Variants in PSMD6 observed in about 807,000 individuals in gnomAD.
PSMD6 encodes 26S proteasome non-ATPase regulatory subunit 6.
PSMD6 carries 7 observed loss-of-function variants against 44.9 expected under a neutral mutation model. The observed-to-expected ratio is 0.16, with a 90% CI of 0.09 to 0.29. PSMD6 has a LOEUF of 0.29. Among genes scored for constraint, PSMD6 ranks in the 10% least tolerant of loss-of-function variants. The probability of loss-of-function intolerance (pLI) is 1.00; values close to 1 mark genes in which losing one functional copy is unlikely to be tolerated. For synonymous variants in PSMD6, 184 were observed against 172.7 expected, an observed-to-expected ratio of 1.07 and a Z score of -0.51; for missense variants, 420 against 482.6, an observed-to-expected ratio of 0.87 and a Z score of 1.21.
chr3:64,011,392 C>CTAACA (rs1553698337), intron 6 of PSMD6: 1 of 152,664 alleles, frequency 6.6e-6, no homozygotes, highest in African/African-American at 2.4e-5. Context: ...CTTTCCCTCT[C>CTAACA]TAACATATCT....
intron 1 of PSMD6, 77 bp from the exon 2 acceptor site, chr3:64,022,600 C>T (rs1442600781): frequency 6.5e-7 from 1 of 1,543,468 alleles, no homozygotes; most frequent in East Asian, 2.4e-5. Context: ...TATTTCACCC[C>T]CCGCCCCGCC....
At position 64,010,652 on chromosome 3, in the gene PSMD6, TGTTA is replaced by T. The variant is rs750691116; in HGVS notation, c.*12_*15del. On this transcript the variant is annotated 3_prime_UTR_variant, in exon 8 of 8. Transcript: ENST00000295901. The stretch of plus-strand genomic sequence containing the variant: ...ATAATTATCTCTAAAGCAAATCCTT[TGTTA>T]GTTACATGGCTTTACATATTAATTA... 15 of 1,532,368 alleles carry T rather than the reference TGTTA, an allele frequency of 9.8e-6. No homozygotes were observed. The highest frequency in any genetic ancestry group is 8.3e-5 in the African/African-American group (6 of 72,440). 94.9% of individuals were successfully genotyped at this position (1,532,368 alleles called of 1,614,324 possible).
chr3:64,019,565 C>T, intron 2 of PSMD6, 124 bp from the exon 3 acceptor site: 1 of 964,462 alleles, frequency 1.0e-6, no homozygotes, highest in Non-Finnish European at 1.5e-6. Flanking sequence ...AACAAGATGG[C>T]CATTAACTGT....
chr3:64,018,679 A>G lies in PSMD6; in HGVS notation c.746T>C (p.Val249Ala), dbSNP rs757943769. The change falls in exon 5 of 8, where the codon GTG (valine) becomes GCG (alanine). Residue 249 changes from valine (V) to alanine (A), a missense_variant. Physicochemically the swap from Val to Ala is moderately conservative, Grantham distance 64 (BLOSUM62 0). This residue lies in a region of PSMD6 where 216 missense variants were observed against 227.0 expected (regional missense o/e 0.95). Coordinates refer to ENST00000295901, the MANE Select transcript of PSMD6 (RefSeq NM_014814.3). ...CCGAACTGCTGGAAGACTGTGCAAC[A>G]CTTCAAGAATCTCTGCTCCTTTAAT... ...KVIKGAEILE[V>A]LHSLPAVRQY... The G allele has an allele frequency of 7.5e-6, 12 of 1,604,610 alleles. No homozygotes were observed. The highest frequency in any genetic ancestry group is 1.7e-5 in the Admixed American group (1 of 59,934).
rs2076098375 is a variant in PSMD6, at chr3:64,019,575, T to G, written c.352-134A>C. 5 of 874,760 alleles carry G rather than the reference T, an allele frequency of 5.7e-6. 1 individual carries two copies. In the South Asian group the frequency reaches 9.7e-5, roughly 17 times the overall value. The allele number at this position is 874,760 out of a possible 1,614,324, so 54.2% of individuals were successfully genotyped here. ...AGTACAACAAGATGGCCATTAACTG[T>G]TAATTGTTGAAGCTGGGTGATAAGT... On this transcript the variant is annotated intron_variant, in intron 2 of 7. Transcript: ENST00000295901.
chr3:64,016,472 A>ATAAG (rs939242115), intron 5 of PSMD6: 1 of 152,050 alleles, frequency 6.6e-6, no homozygotes, highest in Non-Finnish European at 1.5e-5. Flanking sequence ...AAAAAAAAGC[A>ATAAG]TAAGTTCTGC....
At chr3:64,023,223 G>C (rs1408641692) in intron 1 of PSMD6, 52 bp downstream of exon 1, 5 of 1,495,134 alleles carry the variant, frequency 3.3e-6, no homozygotes, top group Non-Finnish European at 4.5e-6. Context: ...GCTCCGGAAC[G>C]CGGGGACGGC....
chr3:64,021,630 G>A (rs2076134122), intron 2 of PSMD6, among the ~76,000 whole-genome samples: 1 of 152,070 alleles, frequency 6.6e-6, no homozygotes, highest in Non-Finnish European at 1.5e-5. Context: ...CCAACATGTT[G>A]AAATCCAGTC....
intron 5 of PSMD6, chr3:64,015,789 T>C (rs1277158755): frequency 6.6e-6 from 1 of 152,232 alleles, no homozygotes; most frequent in Non-Finnish European, 1.5e-5. Context: ...TGATCAGATA[T>C]TAAAGAAAGC....
chr3:64,023,169 C>G (rs1462093880), intron 1 of PSMD6, 106 bp downstream of exon 1: 3 of 1,429,804 alleles, frequency 2.1e-6, no homozygotes, highest in Non-Finnish European at 2.7e-6. Flanking sequence ...TCTCTGAGAC[C>G]CCGTCAGAGG....
In PSMD6 at chr3:64,022,455, T is replaced by C. The variant is rs757238946; in HGVS notation, c.214A>G (p.Lys72Glu). Residue 72 changes from lysine (K) to glutamate (E), a missense_variant, in exon 2 of 8, where the codon AAA (lysine) becomes GAA (glutamate). This residue lies in a region of PSMD6 where 136 missense variants were observed against 124.2 expected (regional missense o/e 1.09). Transcript: ENST00000295901. ...DWQIDVDLLN[K>E]MKKANEDELK... is the part of the protein sequence containing the mutation. ...TCATCTTCATTTGCCTTCTTCATTT[T>C]ATTGAGTAGGTCCACGTCTATCTGC... The C allele has an allele frequency of 6.8e-6, 11 of 1,614,062 alleles. No homozygotes were observed. In the East Asian group the frequency reaches 1.3e-4, roughly 20 times the overall value.
chr3:64,023,123 A>C, intron 1 of PSMD6, 152 bp downstream of exon 1: 1 of 1,422,754 alleles, frequency 7.0e-7, no homozygotes, highest in Non-Finnish European at 9.1e-7. Flanking sequence ...CCCCAAACCA[A>C]AGCAAAACCC....
At chr3:64,022,605 C>G (rs966645398) in intron 1 of PSMD6, 82 bp from the exon 2 acceptor site, 1 of 1,548,544 alleles carries the variant, frequency 6.5e-7, no homozygotes, top group Non-Finnish European at 8.7e-7. Flanking sequence ...CACCCCCCGC[C>G]CCGCCACAAG....
In PSMD6 at chr3:64,023,421, G is replaced by C; in HGVS notation, c.-2C>G. 1 of 1,596,786 alleles carries C rather than the reference G, an allele frequency of 6.3e-7. No individual in the cohort carries two copies. Among genetic ancestry groups the C allele is most frequent in the African/African-American group, 1.4e-5 (1 of 74,008 alleles). On this transcript the variant is annotated 5_prime_UTR_variant, in exon 1 of 8. Transcript: ENST00000295901. ...CTCCTCCAGGTTCTCCAGCGGCATC[G>C]CGGCGAAGGGGACAGCGGCTGACAG...
Position 64,019,292 on chromosome 3 carries a change from G to C in PSMD6, c.497+4C>G. On this transcript the variant is annotated splice_donor_region_variant and intron_variant, in intron 3 of 7. Transcript: ENST00000295901. ...GAAAATATAATCCCACCCTTAGAAA[G>C]TACCTTTTGGCCTTTTCTGTGTTTC... The C allele has an allele frequency of 3.8e-6, 6 of 1,567,566 alleles. No homozygotes were observed. The highest frequency in any genetic ancestry group is 5.3e-6 in the Non-Finnish European group (6 of 1,138,364).
intron 1 of PSMD6, 168 bp from the exon 2 acceptor site, chr3:64,022,691 G>C: frequency 6.5e-7 from 1 of 1,537,366 alleles, no homozygotes; most frequent in Non-Finnish European, 8.7e-7. Context: ...AAACATAAAC[G>C]TATGCTGGTG....
upstream of PSMD6, chr3:64,023,621 G>A (rs529481877): frequency 7.1e-7 from 1 of 1,416,876 alleles, no homozygotes; most frequent in East Asian, 2.7e-5. Flanking sequence ...GGTCACGGGG[G>A]CTTTTCCACC....
chr3:64,022,752 G>T (rs1332854392), intron 1 of PSMD6: 1 of 1,536,472 alleles, frequency 6.5e-7, no homozygotes, highest in Admixed American at 2.0e-5. Context: ...TACTAGGGCT[G>T]GAGGGAGGGC....
upstream of PSMD6, chr3:64,023,680 G>A: frequency 6.8e-7 from 1 of 1,472,654 alleles, no homozygotes; most frequent in Non-Finnish European, 9.0e-7. Flanking sequence ...CAACTCAAAA[G>A]CCCAATTTCT....
Sources: allele counts gnomAD v4.1 joint callset (sites outside exome capture counted in the v4.1 genomes callset), GRCh38; gene constraint gnomAD v4.1.1; regional missense constraint gnomAD v4.1.1; transcripts MANE v1.5; gene names NCBI Gene and HGNC (gene_info 2026-07-23, HGNC 2026-07-21).